The following ZNF559 variants were observed in gnomAD, a reference collection of about 807,000 sequenced individuals.
The protein encoded by ZNF559 is zinc finger protein 559, also known as putative protein product of Nbla00121.
ZNF559 carries 17 observed loss-of-function variants against 14.2 expected under a neutral mutation model. The ratio of observed to expected loss-of-function variants is 1.20; its 90% CI spans 0.82 to 1.80. The LOEUF (loss-of-function observed/expected upper bound fraction) is 1.80. ZNF559 is among the 40% of genes most tolerant of loss of function. ZNF559 has a pLI of 0.00. For missense variants in ZNF559, 740 were observed against 629.7 expected, an observed-to-expected ratio of 1.18 and a Z score of -1.88; for synonymous variants, 244 against 212.4, an observed-to-expected ratio of 1.15 and a Z score of -1.29.
rs1253888823 is a variant in ZNF559, at chr19:9,341,932, C to T, written c.481C>T (p.His161Tyr). The T allele has an allele frequency of 6.2e-7, 1 of 1,613,718 alleles. No individual in the cohort carries two copies. Among genetic ancestry groups the T allele is most frequent in the Non-Finnish European group, 8.5e-7 (1 of 1,179,900 alleles). Residue 161 changes from histidine (H) to tyrosine (Y), a missense_variant, in exon 7 of 7, where the codon CAT becomes TAT. By Grantham distance (83) the His-to-Tyr change is moderately conservative. Coordinates refer to ENST00000603380, the MANE Select transcript of ZNF559 (RefSeq NM_032497.3). ...TGAAACAGCCTTCAGCCAACATCTA[C>T]ATCTTGTTTGCAAGAAAACTAGCCA... is the stretch of plus-strand genomic sequence containing the variant. The part of the protein sequence containing the change: ...QCETAFSQHL[H>Y]LVCKKTSQNL...
At chr19:9,337,886 T>TA (rs1296485147) in intron 3 of ZNF559, 28 bp downstream of exon 3, 15 of 1,530,294 alleles carry the variant, frequency 9.8e-6, no homozygotes, top group Non-Finnish European at 1.3e-5. Context: ...CACTACTACT[T>TA]AATCAAGAGG....
intron 2 of ZNF559, among the ~76,000 whole-genome samples, chr19:9,325,010 T>C (rs542514809): frequency 6.6e-6 from 1 of 152,328 alleles, no homozygotes; most frequent in South Asian, 2.1e-4. Context: ...TCTAGCGCCC[T>C]GTAGATTCCC....
At chr19:9,328,469 T>C (rs144947881) in intron 2 of ZNF559, among the ~76,000 whole-genome samples, 1,590 of 151,616 alleles carry the variant, frequency 0.01, 28 homozygotes, top group African/African-American at 0.036. Flanking sequence ...TTCTCCTGCT[T>C]CAGCCTCCTG....
intron 2 of ZNF559, among the ~76,000 whole-genome samples, chr19:9,337,350 C>G (rs896556814): frequency 6.6e-6 from 1 of 152,150 alleles, no homozygotes; most frequent in Non-Finnish European, 1.5e-5. Flanking sequence ...TATACACTTA[C>G]CAGGGAAGAT....
chr19:9,324,507 A>T (rs62104792), intron 1 of ZNF559, 188 bp from the exon 2 acceptor site: 2 of 1,337,762 alleles, frequency 1.5e-6, no homozygotes, highest in Non-Finnish European at 2.0e-6. Context: ...CAGAAGCCTC[A>T]TAGGGCCCGG....
At chr19:9,325,881 T>G (rs561671279) in intron 2 of ZNF559, among the ~76,000 whole-genome samples, 1 of 152,266 alleles carries the variant, frequency 6.6e-6, no homozygotes, top group East Asian at 1.9e-4. Flanking sequence ...CATGAGCCAT[T>G]TAAATTGGAA....
intron 5 of ZNF559, among the ~76,000 whole-genome samples, chr19:9,340,733 A>ATTTTTTT (rs201367378): frequency 0.06 from 7,462 of 124,414 alleles, 373 homozygotes; most frequent in Middle Eastern, 0.094. Context: ...TGCCTGGCTA[A>ATTTTTTT]TTTTTTTTTT....
rs1270082059 is a variant in ZNF559, at chr19:9,345,161, G to A, written c.*2093G>A. ...TTTTCAGATCCATTTATGTTGTAGG[G>A]TCCATTTCACTGCTGAATAGTATTC... On this transcript the variant is annotated 3_prime_UTR_variant, in exon 7 of 7. Coordinates refer to ENST00000603380, the MANE Select transcript of ZNF559 (RefSeq NM_032497.3). The A allele has an allele frequency of 1.3e-5, 2 of 152,140 alleles. No homozygotes were observed. Among genetic ancestry groups the A allele is most frequent in the African/African-American group, 4.8e-5 (2 of 41,396 alleles). The allele number at this position is 152,140 out of a possible 1,614,324, so 9.4% of individuals were successfully genotyped here. A position where few individuals can be genotyped will look rare whatever the true frequency, so the allele number is the denominator to read the frequency against.
At chr19:9,330,542 T>C (rs1201925322) in intron 2 of ZNF559, among the ~76,000 whole-genome samples, 14 of 152,198 alleles carry the variant, frequency 9.2e-5, no homozygotes, top group Admixed American at 9.2e-4. Context: ...CTATAATCTA[T>C]TTTTTATTTT....
intron 2 of ZNF559, among the ~76,000 whole-genome samples, chr19:9,329,881 C>T (rs117730401): frequency 0.079 from 11,952 of 152,200 alleles, 520 homozygotes; most frequent in Middle Eastern, 0.11. Flanking sequence ...CAAGGCTGGT[C>T]TCGAACTCCT....
At chr19:9,326,950 A>C (rs969488170) in intron 2 of ZNF559, among the ~76,000 whole-genome samples, 3 of 152,226 alleles carry the variant, frequency 2.0e-5, no homozygotes, top group African/African-American at 7.2e-5. Flanking sequence ...AATAAAATTA[A>C]GAATTCATTT....
At chr19:9,329,430 G>A (rs745823102) in intron 2 of ZNF559, among the ~76,000 whole-genome samples, 5 of 152,104 alleles carry the variant, frequency 3.3e-5, no homozygotes, top group East Asian at 1.9e-4. Flanking sequence ...ATATATTGGT[G>A]TATATGTACT....
At chr19:9,324,176 C>T (rs2066430403), upstream of ZNF559, 2 of 1,535,940 alleles carry the variant, frequency 1.3e-6, no homozygotes, top group Non-Finnish European at 8.7e-7. Context: ...TCTGCGTGGG[C>T]GCATGCGCAT....
chr19:9,327,774 T>G (rs1401492554), intron 2 of ZNF559, among the ~76,000 whole-genome samples: 1 of 152,134 alleles, frequency 6.6e-6, no homozygotes, highest in Admixed American at 6.5e-5. Context: ...TCATTCACTG[T>G]ATTATAATCA....
In ZNF559 at chr19:9,343,350, CTGTT is replaced by C. The variant is rs1179449914; in HGVS notation, c.*285_*288del. The C allele has an allele frequency of 4.3e-6, 5 of 1,176,050 alleles. No individual in the cohort carries two copies. The highest frequency in any genetic ancestry group is 3.1e-5 in the African/African-American group (2 of 64,322). 72.9% of individuals were successfully genotyped at this position (1,176,050 alleles called of 1,614,324 possible). A position where few individuals can be genotyped will look rare whatever the true frequency, so the allele number is the denominator to read the frequency against. ...TGTCGATGCTTACATCTTACTGAGT[CTGTT>C]TGAACTCATGCTGGAGAGAAATGCT... is the stretch of plus-strand genomic sequence containing the variant. On this transcript the variant is annotated 3_prime_UTR_variant, in exon 7 of 7. Coordinates refer to ENST00000603380, the MANE Select transcript of ZNF559 (RefSeq NM_032497.3).
intron 3 of ZNF559, 106 bp from the exon 4 acceptor site, chr19:9,338,388 T>A: frequency 1.3e-6 from 1 of 778,928 alleles, no homozygotes. Context: ...CATTTTATTA[T>A]AACGTGTGTG....
chr19:9,324,828 GTT>G (rs1319099485), intron 2 of ZNF559, 48 bp downstream of exon 2: 4 of 1,485,550 alleles, frequency 2.7e-6, no homozygotes, highest in Non-Finnish European at 3.6e-6. Flanking sequence ...GGGTCTTGAA[GTT>G]TAAGTTGTGT....
At chr19:9,328,125 C>T (rs1304165334) in intron 2 of ZNF559, among the ~76,000 whole-genome samples, 1 of 152,022 alleles carries the variant, frequency 6.6e-6, no homozygotes, top group Non-Finnish European at 1.5e-5. Context: ...TATCTCTTAT[C>T]TCTTATAATA....
chr19:9,327,203 C>T (rs547734552), intron 2 of ZNF559, among the ~76,000 whole-genome samples: 1 of 152,166 alleles, frequency 6.6e-6, no homozygotes, highest in South Asian at 2.1e-4. Context: ...TCCCCAACAG[C>T]CTTTCACCCA....
Sources: allele counts gnomAD v4.1 joint callset (sites outside exome capture counted in the v4.1 genomes callset), GRCh38; gene constraint gnomAD v4.1.1; transcripts MANE v1.5; gene names NCBI Gene and HGNC (gene_info 2026-07-23, HGNC 2026-07-21).